The following MCTP1 variants were observed in gnomAD, a reference collection of about 807,000 sequenced individuals.
MCTP1 encodes multiple C2 and transmembrane domain-containing protein 1.
A neutral mutation model predicts 120.6 loss-of-function variants in MCTP1; 69 were observed. The observed-to-expected ratio is 0.57, with a 90% CI of 0.47 to 0.70. The LOEUF is 0.70. Among genes scored for constraint, MCTP1 ranks in the 30% least tolerant of loss-of-function variants. The pLI is 0.00. For missense variants in MCTP1, 1,203 were observed against 1,248.8 expected (o/e 0.96, Z 0.55); for synonymous variants, 529 against 493.1 (o/e 1.07, Z -0.96).
intron 19 of MCTP1, among the ~76,000 whole-genome samples, chr5:94,775,766 G>T (rs1775156794): frequency 6.6e-6 from 1 of 151,860 alleles, no homozygotes. Context: ...CTCTGCCTTT[G>T]TGAAAACCAT....
At chr5:94,779,071 C>T in intron 19 of MCTP1, 39 bp downstream of exon 19, 1 of 1,567,560 alleles carries the variant, frequency 6.4e-7, no homozygotes, top group Non-Finnish European at 8.8e-7. Flanking sequence ...TCTACATTTC[C>T]CCATCCCCAG....
At chr5:94,723,374 T>C (rs529150766) in intron 19 of MCTP1, among the ~76,000 whole-genome samples, 4 of 152,228 alleles carry the variant, frequency 2.6e-5, no homozygotes, top group Non-Finnish European at 4.4e-5. Flanking sequence ...TTTTGGCTTA[T>C]GTTAAAAACA....
chr5:94,877,299 T>C (rs1799095850), intron 12 of MCTP1, among the ~76,000 whole-genome samples: 1 of 152,132 alleles, frequency 6.6e-6, no homozygotes, highest in African/African-American at 2.4e-5. Flanking sequence ...ATGTGTTACC[T>C]AACTACTATA....
intron 1 of MCTP1, among the ~76,000 whole-genome samples, chr5:95,049,299 A>T (rs1003913557): frequency 1.3e-5 from 2 of 152,172 alleles, no homozygotes; most frequent in African/African-American, 4.8e-5. Flanking sequence ...TCATTCAAGG[A>T]AAACAACCTC....
chr5:95,176,250 C>T (rs193090096), intron 1 of MCTP1, among the ~76,000 whole-genome samples: 5 of 152,218 alleles, frequency 3.3e-5, no homozygotes, highest in South Asian at 2.1e-4. Flanking sequence ...GTAGGCCATG[C>T]GTGGTGGCTC....
chr5:95,134,970 C>A (rs925661095), intron 1 of MCTP1, among the ~76,000 whole-genome samples: 2 of 112,052 alleles, frequency 1.8e-5, no homozygotes, highest in African/African-American at 3.4e-5. Context: ...TCAAGGATCT[C>A]GATTTACTGT....
chr5:95,010,822 A>C (rs139604341), intron 2 of MCTP1, among the ~76,000 whole-genome samples: 8 of 152,314 alleles, frequency 5.3e-5, no homozygotes, highest in East Asian at 1.9e-4. Flanking sequence ...TGGCACACAC[A>C]CAGTGAGACC....
intron 15 of MCTP1, 82 bp downstream of exon 15, chr5:94,870,790 G>T: frequency 9.8e-7 from 1 of 1,018,700 alleles, no homozygotes. Context: ...AGGAATGACA[G>T]AAATTCTCTA....
At chr5:95,113,832 C>T (rs1757626522) in intron 1 of MCTP1, among the ~76,000 whole-genome samples, 2 of 152,196 alleles carry the variant, frequency 1.3e-5, no homozygotes, top group Admixed American at 1.3e-4. Context: ...CTTGTTCCAC[C>T]TCTCCAGCAA....
chr5:94,942,254 T>C (rs2153507433), intron 4 of MCTP1, 94 bp downstream of exon 4: 2 of 886,916 alleles, frequency 2.3e-6, no homozygotes, highest in East Asian at 2.6e-5. Flanking sequence ...CCACTATAAA[T>C]GACAGAACTA....
intron 19 of MCTP1, among the ~76,000 whole-genome samples, chr5:94,738,608 C>T (rs540124911): frequency 2.7e-4 from 41 of 152,190 alleles, no homozygotes; most frequent in Non-Finnish European, 5.4e-4. Context: ...TACAAGAAGC[C>T]CTACTTGACT....
At chr5:95,101,349 A>C (rs1010592432) in intron 1 of MCTP1, among the ~76,000 whole-genome samples, 1 of 152,262 alleles carries the variant, frequency 6.6e-6, no homozygotes, top group African/African-American at 2.4e-5. Flanking sequence ...TTTCCTGTTG[A>C]GATACAGAAT....
intron 1 of MCTP1, among the ~76,000 whole-genome samples, chr5:95,238,857 C>T (rs1350795064): frequency 1.3e-5 from 2 of 152,144 alleles, no homozygotes; most frequent in Non-Finnish European, 2.9e-5. Flanking sequence ...AAGCACACCG[C>T]GTATATGCAG....
chr5:94,896,934 C>T lies in MCTP1; in HGVS notation c.1653-2099G>A, dbSNP rs946153379. On this transcript the variant is annotated intron_variant, in intron 10 of 22. Coordinates refer to ENST00000515393, the MANE Select transcript of MCTP1 (RefSeq NM_024717.7). ...TAGTTATTAGCAGAGCCCACCTGAA[C>T]CTGGGACTCTGGAATCCAGGATCTA... Among the ~76,000 whole-genome samples, 3 of 152,124 alleles carry T rather than the reference C, an allele frequency of 2.0e-5. No homozygotes were observed. The East Asian group carries it at 5.8e-4, about 29-fold the overall frequency.
intron 1 of MCTP1, among the ~76,000 whole-genome samples, chr5:95,031,685 A>T (rs1840332089): frequency 6.6e-6 from 1 of 152,172 alleles, no homozygotes; most frequent in South Asian, 2.1e-4. Context: ...ATAAAAACAC[A>T]GTTAAGTACA....
intron 2 of MCTP1, among the ~76,000 whole-genome samples, chr5:94,983,675 CTAT>C (rs1456999867): frequency 5.3e-5 from 8 of 151,960 alleles, no homozygotes; most frequent in African/African-American, 1.9e-4. Flanking sequence ...GTCAATCTAT[CTAT>C]CTATCTATCT....
intron 1 of MCTP1, among the ~76,000 whole-genome samples, chr5:95,047,514 T>C (rs551755641): frequency 2.6e-5 from 4 of 152,238 alleles, no homozygotes; most frequent in South Asian, 4.1e-4. Context: ...TGAACTTTAG[T>C]AATATTGTTC....
At chr5:94,813,851 C>CA (rs67634387) in intron 17 of MCTP1, among the ~76,000 whole-genome samples, 121,449 of 151,610 alleles carry the variant, frequency 0.8, 49,498 homozygotes, top group Non-Finnish European at 0.86. Context: ...GATCCTGTCT[C>CA]AAAAAATTAA....
chr5:95,037,836 C>G (rs1444986631), intron 1 of MCTP1, among the ~76,000 whole-genome samples: 1 of 152,164 alleles, frequency 6.6e-6, no homozygotes, highest in Non-Finnish European at 1.5e-5. Context: ...CGCCATTGCA[C>G]TTTTGGGCAA....
Sources: allele counts gnomAD v4.1 joint callset (sites outside exome capture counted in the v4.1 genomes callset), GRCh38; gene constraint gnomAD v4.1.1; transcripts MANE v1.5; gene names NCBI Gene and HGNC (gene_info 2026-07-23, HGNC 2026-07-21).